The following CHSY3 variants were observed in gnomAD, a reference collection of about 807,000 sequenced individuals.
CHSY3 encodes N-acetylgalactosaminyl-proteoglycan 3-beta-glucuronosyltransferase 3.
In CHSY3, 35 loss-of-function variants were observed where a neutral mutation model predicts 67.2. That is an observed-to-expected ratio of 0.52 (90% confidence interval 0.40 to 0.69). The LOEUF (loss-of-function observed/expected upper bound fraction) is 0.69, where lower values mean the gene tolerates loss of function less well. CHSY3 is among the 30% of genes least tolerant of loss of function. The pLI, the probability that CHSY3 is intolerant of heterozygous loss-of-function variation, is 0.00. For synonymous variants in CHSY3, 474 were observed against 434.7 expected, an observed-to-expected ratio of 1.09 and a Z score of -1.12; for missense variants, 1,069 against 1,138.5, an observed-to-expected ratio of 0.94 and a Z score of 0.88.
Position 129,909,287 on chromosome 5 carries a change from C to T in CHSY3, c.1086+927C>T, listed in dbSNP as rs188470877. Among the ~76,000 whole-genome samples, 642 of 152,156 alleles carry T rather than the reference C, an allele frequency of 4.2e-3. 8 individuals are homozygous for T. Among genetic ancestry groups the T allele is most frequent in the African/African-American group, 0.015 (624 of 41,538 alleles). ...TTGGAATTTAGTATTATTTTAGCTA[C>T]GGAGTGCACAGCTTTGTAAATTATA... is the stretch of plus-strand genomic sequence containing the variant. On this transcript the variant is annotated intron_variant, in intron 2 of 2. Transcript: ENST00000305031.
chr5:130,048,322 T>G (rs1765216350), intron 2 of CHSY3, among the ~76,000 whole-genome samples: 1 of 152,126 alleles, frequency 6.6e-6, no homozygotes, highest in South Asian at 2.1e-4. Context: ...AAATGAAATA[T>G]ATAGCTACTC....
At chr5:130,005,679 A>G (rs1388282445) in intron 2 of CHSY3, among the ~76,000 whole-genome samples, 1 of 152,198 alleles carries the variant, frequency 6.6e-6, no homozygotes, top group Non-Finnish European at 1.5e-5. Context: ...CTTGAATAAG[A>G]TGATTACAAT....
intron 2 of CHSY3, among the ~76,000 whole-genome samples, chr5:130,109,692 ATT>A (rs896614444): frequency 6.7e-6 from 1 of 149,628 alleles, no homozygotes; most frequent in Admixed American, 6.7e-5. Flanking sequence ...GAGGAGAGTA[ATT>A]TTTTTTTTAA....
intron 2 of CHSY3, among the ~76,000 whole-genome samples, chr5:129,930,793 C>T (rs1467949374): frequency 6.6e-6 from 1 of 152,074 alleles, no homozygotes; most frequent in Admixed American, 6.6e-5. Context: ...AGAGGGACCA[C>T]GAAAAGTATG....
rs565292897 is a variant in CHSY3, at chr5:130,042,480, TTGTCTA to T, written c.1086+134122_1086+134127del. 4.7e-3 allele frequency among the ~76,000 whole-genome samples: 715 copies of T among 152,250 alleles called. 9 individuals carry two copies. Among genetic ancestry groups the T allele is most frequent in the African/African-American group, 0.016 (675 of 41,556 alleles). On this transcript the variant is annotated intron_variant, in intron 2 of 2. Coordinates refer to ENST00000305031, the MANE Select transcript of CHSY3 (RefSeq NM_175856.5). ...AGTTCCCATTACAATATCAATTCCT[TTGTCTA>T]TTGGTTTTAAAAAGACAAGCACATC...
intron 2 of CHSY3, among the ~76,000 whole-genome samples, chr5:130,103,836 G>A (rs1767329162): frequency 6.6e-6 from 1 of 151,802 alleles, no homozygotes; most frequent in Non-Finnish European, 1.5e-5. Flanking sequence ...CCTAGTTCTG[G>A]CTATCCTTTG....
At chr5:130,055,529 A>T (rs1257139422) in intron 2 of CHSY3, among the ~76,000 whole-genome samples, 6 of 152,182 alleles carry the variant, frequency 3.9e-5, no homozygotes, top group African/African-American at 1.4e-4. Flanking sequence ...TAGAAGAGAC[A>T]TGGGAGTTTC....
intron 2 of CHSY3, among the ~76,000 whole-genome samples, chr5:130,084,767 T>C (rs1465928767): frequency 2.0e-5 from 3 of 151,850 alleles, no homozygotes; most frequent in African/African-American, 4.8e-5. Context: ...GGGAAGGTAC[T>C]TTCAGGTAAT....
intron 2 of CHSY3, among the ~76,000 whole-genome samples, chr5:129,918,565 G>A (rs1402623034): frequency 2.0e-5 from 3 of 152,128 alleles, no homozygotes; most frequent in Non-Finnish European, 2.9e-5. Context: ...AGAAATGCCC[G>A]AGGAGAGCAG....
rs249604 is a variant in CHSY3 at position 130,174,433 on chromosome 5, G to T, written c.1087-9796G>T. On this transcript the variant is annotated intron_variant, in intron 2 of 2. Coordinates refer to ENST00000305031, the MANE Select transcript of CHSY3 (RefSeq NM_175856.5). The stretch of plus-strand genomic sequence containing the variant: ...GATTTTCACAGACAGCTTTACCCAT[G>T]ATAGTATGGCCTCTTATTTCTCTTT... Among the ~76,000 whole-genome samples, 5 of 152,174 alleles carry T rather than the reference G, an allele frequency of 3.3e-5. No individual in the cohort carries two copies. The East Asian group carries it at 5.8e-4, about 18-fold the overall frequency.
intron 2 of CHSY3, among the ~76,000 whole-genome samples, chr5:130,161,065 C>T (rs944723182): frequency 6.6e-6 from 1 of 151,708 alleles, no homozygotes; most frequent in African/African-American, 2.4e-5. Flanking sequence ...CCACCACGCC[C>T]ATCTAATTTT....
chr5:129,990,463 T>C (rs1356917424), intron 2 of CHSY3, among the ~76,000 whole-genome samples: 1 of 151,904 alleles, frequency 6.6e-6, no homozygotes, highest in African/African-American at 2.4e-5. Flanking sequence ...TAATTGAATT[T>C]AGAAAGTATA....
intron 2 of CHSY3, among the ~76,000 whole-genome samples, chr5:129,973,407 AT>A (rs1762702048): frequency 6.6e-6 from 1 of 152,122 alleles, no homozygotes; most frequent in Non-Finnish European, 1.5e-5. Flanking sequence ...TCTGAATTAT[AT>A]TCTTGTATGA....
rs71000946 is a variant in CHSY3, at chr5:130,000,732, C to CTTTTTTTTTTT, written c.1086+92388_1086+92398dup. Among the ~76,000 whole-genome samples, 122 of 76,462 alleles carry CTTTTTTTTTTT rather than the reference C, an allele frequency of 1.6e-3. 1 individual carries two copies. The highest frequency in any genetic ancestry group is 2.0e-3 in the Non-Finnish European group (89 of 43,792). 50.2% of individuals were successfully genotyped at this position (76,462 alleles called of 152,430 possible). A position where few individuals can be genotyped will look rare whatever the true frequency, so the allele number is the denominator to read the frequency against. On this transcript the variant is annotated intron_variant, in intron 2 of 2. Transcript: ENST00000305031. ...GGACTACAAATGTGTAACTTTTCTT[C>CTTTTTTTTTTT]TTTTTTTTTTTTTTTTTTTTTTTTT...
At chr5:130,079,521 G>A (rs190194431) in intron 2 of CHSY3, among the ~76,000 whole-genome samples, 12 of 152,152 alleles carry the variant, frequency 7.9e-5, no homozygotes, top group Non-Finnish European at 1.3e-4. Flanking sequence ...GAATGCTGTC[G>A]TATGTAGAGT....
chr5:129,918,992 A>G (rs1045925641), intron 2 of CHSY3, among the ~76,000 whole-genome samples: 4 of 148,604 alleles, frequency 2.7e-5, no homozygotes, highest in African/African-American at 9.9e-5. Flanking sequence ...CTGTAGTCCC[A>G]GCTACTCGGG....
At chr5:130,091,400 G>A (rs1766877440) in intron 2 of CHSY3, among the ~76,000 whole-genome samples, 1 of 152,118 alleles carries the variant, frequency 6.6e-6, no homozygotes, top group Admixed American at 6.6e-5. Flanking sequence ...TTGGTAAAGA[G>A]AATTCATCTT....
At chr5:130,162,610 C>T (rs1463398973) in intron 2 of CHSY3, among the ~76,000 whole-genome samples, 1 of 152,092 alleles carries the variant, frequency 6.6e-6, no homozygotes, top group Non-Finnish European at 1.5e-5. Context: ...TCATGGCTCA[C>T]TCCAGCCTGG....
At chr5:130,069,910 T>C (rs2149681040) in intron 2 of CHSY3, among the ~76,000 whole-genome samples, 1 of 152,220 alleles carries the variant, frequency 6.6e-6, no homozygotes, top group African/African-American at 2.4e-5. Context: ...AATTTTCATA[T>C]CTCACTAGGA....
Sources: gnomAD v4.1 joint callset for allele counts (sites outside exome capture counted in the v4.1 genomes callset) on GRCh38, gnomAD v4.1.1 for gene constraint, MANE v1.5 for transcripts, NCBI Gene and HGNC (gene_info 2026-07-23, HGNC 2026-07-21) for gene names.